The following ZNF544 variants were observed in gnomAD, a reference collection of about 807,000 sequenced individuals.
ZNF544 encodes the protein zinc finger protein AF020591.
Under a neutral mutation model 13.5 loss-of-function variants are expected in ZNF544, and 10 were observed. The observed-to-expected ratio is 0.74, with a 90% CI of 0.46 to 1.25. The LOEUF is 1.25. Ranked by LOEUF, ZNF544 falls within the 50% of genes most tolerant of loss-of-function variation. The pLI, the probability that ZNF544 is intolerant of heterozygous loss-of-function variation, is 0.00. For missense variants in ZNF544, 896 were observed against 845.6 expected (o/e 1.06, Z -0.74); for synonymous variants, 323 against 300.5 (o/e 1.07, Z -0.77).
chr19:58,236,843 A>T (rs1011135779), intron 3 of ZNF544, among the ~76,000 whole-genome samples: 18 of 150,918 alleles, frequency 1.2e-4, no homozygotes, highest in African/African-American at 4.1e-4. Context: ...CCGGGTTCAA[A>T]CAATTCTCGT....
chr19:58,265,463 T>C (rs1186431587), downstream of ZNF544, among the ~76,000 whole-genome samples: 1 of 152,064 alleles, frequency 6.6e-6, no homozygotes, highest in East Asian at 1.9e-4. Flanking sequence ...GTCTGTCTAA[T>C]TTTTTGTACT....
At chr19:58,256,567 GGTACCAC>G (rs1452012820) in intron 6 of ZNF544, among the ~76,000 whole-genome samples, 1 of 152,144 alleles carries the variant, frequency 6.6e-6, no homozygotes, top group Non-Finnish European at 1.5e-5. Context: ...GAAGAGCAAC[GGTACCAC>G]GTGCAAGGTT....
intron 4 of ZNF544, 98 bp downstream of exon 4, chr19:58,244,154 C>T: frequency 9.7e-7 from 1 of 1,030,198 alleles, no homozygotes; most frequent in Non-Finnish European, 1.4e-6. Flanking sequence ...CACAGGAGCG[C>T]TCCGCAGTGC....
downstream of ZNF544, among the ~76,000 whole-genome samples, chr19:58,266,242 T>G (rs2445854): frequency 0.56 from 75,912 of 136,618 alleles, 21,558 homozygotes; most frequent in Middle Eastern, 0.67. Context: ...AAAAGGGCTG[T>G]GTGCGGTGGC....
intron 5 of ZNF544, among the ~76,000 whole-genome samples, chr19:58,275,167 T>A (rs113376910): frequency 1.3e-5 from 2 of 152,234 alleles, no homozygotes; most frequent in African/African-American, 4.8e-5. Flanking sequence ...CAAACAATGT[T>A]GGGTGTGACT....
downstream of ZNF544, among the ~76,000 whole-genome samples, chr19:58,268,645 A>G (rs112825285): frequency 4.1e-3 from 632 of 152,358 alleles, 6 homozygotes; most frequent in African/African-American, 0.014. Context: ...CAGCCTGCAC[A>G]ATCTAAACTA....
chr19:58,231,907 C>T (rs560727861), intron 3 of ZNF544: 4 of 152,198 alleles, frequency 2.6e-5, no homozygotes, highest in Admixed American at 1.3e-4. Flanking sequence ...GTGGCATGAC[C>T]TCGGCTCACT....
intron 3 of ZNF544, among the ~76,000 whole-genome samples, chr19:58,236,071 C>CA (rs2042316484): frequency 7.2e-6 from 1 of 139,436 alleles, no homozygotes; most frequent in South Asian, 2.4e-4. Flanking sequence ...AAAAAAAAAA[C>CA]AAAAAAACAA....
At chr19:58,248,349 C>T (rs1305451596) in intron 6 of ZNF544, among the ~76,000 whole-genome samples, 4 of 145,534 alleles carry the variant, frequency 2.7e-5, no homozygotes, top group African/African-American at 1.0e-4. Context: ...CCTCCCACCT[C>T]TCTGCACCCC....
chr19:58,229,964 G>A (rs1361340708), intron 2 of ZNF544: 2 of 152,528 alleles, frequency 1.3e-5, no homozygotes, highest in Non-Finnish European at 2.9e-5. Flanking sequence ...GTGGAGCCAG[G>A]GTAGAAGTCA....
At chr19:58,250,303 T>A (rs964509653) in intron 6 of ZNF544, among the ~76,000 whole-genome samples, 1 of 152,138 alleles carries the variant, frequency 6.6e-6, no homozygotes, top group Non-Finnish European at 1.5e-5. Context: ...CCATTGGAGG[T>A]AATTAGGCTT....
intron 5 of ZNF544, among the ~76,000 whole-genome samples, chr19:58,269,808 C>G (rs1291835842): frequency 6.6e-6 from 1 of 152,048 alleles, no homozygotes; most frequent in Non-Finnish European, 1.5e-5. Context: ...GCAATCCCAG[C>G]TACTCAGGAG....
chr19:58,250,939 A>G (rs938881573), intron 6 of ZNF544, among the ~76,000 whole-genome samples: 1 of 152,218 alleles, frequency 6.6e-6, no homozygotes, highest in African/African-American at 2.4e-5. Flanking sequence ...CCCAGAATCC[A>G]TTAACTGCTG....
At chr19:58,269,467 C>T (rs902057789) in intron 5 of ZNF544, among the ~76,000 whole-genome samples, 3 of 144,986 alleles carry the variant, frequency 2.1e-5, no homozygotes, top group Non-Finnish European at 4.5e-5. Flanking sequence ...ATGTCAGGGT[C>T]GGGCATGGTG....
Position 58,261,421 on chromosome 19 carries a change from G to T in ZNF544, c.815G>T (p.Cys272Phe). The T allele has an allele frequency of 6.2e-7, 1 of 1,614,212 alleles. No homozygotes were observed. The highest frequency in any genetic ancestry group is 1.1e-5 in the South Asian group (1 of 91,086). ...RTFSVKKSDD[C>F]KDYGNLFSHS... The stretch of plus-strand genomic sequence containing the variant: ...TTTTCAGTGAAGAAAAGTGATGACT[G>T]TAAGGATTATGGAAACCTCTTCAGT... Residue 272 changes from cysteine to phenylalanine, a missense_variant, in exon 7 of 7, where the codon TGT becomes TTT. By Grantham distance (205) the Cys-to-Phe change is radical. Coordinates refer to ENST00000687789, the MANE Select transcript of ZNF544 (RefSeq NM_014480.4).
chr19:58,239,955 A>G (rs2043213664), intron 3 of ZNF544, among the ~76,000 whole-genome samples: 1 of 151,736 alleles, frequency 6.6e-6, no homozygotes, highest in African/African-American at 2.4e-5. Context: ...GGAGTCCGGG[A>G]GAGACCAGGA....
rs534997430 is a variant in ZNF544, at chr19:58,243,566, G to A, written c.-59-399G>A. ...CCCAGAGCCGAGGGAAGTTCCCTGC[G>A]CCGCCCTGCTGGGGAGTGTCACATC... On this transcript the variant is annotated intron_variant, in intron 3 of 6. Coordinates refer to ENST00000687789, the MANE Select transcript of ZNF544 (RefSeq NM_014480.4). 1.1e-4 allele frequency among the ~76,000 whole-genome samples: 16 copies of A among 152,064 alleles called. No individual in the cohort carries two copies. In the South Asian group the frequency reaches 1.5e-3, roughly 14 times the overall value.
At chr19:58,259,863 A>C (rs2147626401) in intron 6 of ZNF544, 1 of 152,320 alleles carries the variant, frequency 6.6e-6, no homozygotes, top group East Asian at 1.9e-4. Flanking sequence ...CAGTTAGCCA[A>C]GATAATGCCA....
chr19:58,261,508 A>G lies in ZNF544; in HGVS notation c.902A>G (p.Asp301Gly). Residue 301 changes from aspartate to glycine, a missense_variant, in exon 7 of 7, where the codon GAT (aspartate) becomes GGT (glycine). Physicochemically the swap from Asp to Gly is moderately conservative, Grantham distance 94. Coordinates refer to ENST00000687789, the MANE Select transcript of ZNF544 (RefSeq NM_014480.4). ...TTTGGGAAAAGTCAGTATGAGTGTG[A>G]TGAGTGCAGGGAAACCTGTTCTGAG... ...VHFGKSQYEC[D>G]ECRETCSESL... 6.2e-7 allele frequency: 1 copy of G among 1,614,176 alleles called. No individual in the cohort carries two copies. The highest frequency in any genetic ancestry group is 8.5e-7 in the Non-Finnish European group (1 of 1,180,038).
Sources: gnomAD v4.1 joint callset for allele counts (sites outside exome capture counted in the v4.1 genomes callset) on GRCh38, gnomAD v4.1.1 for gene constraint, MANE v1.5 for transcripts, NCBI Gene and HGNC (gene_info 2026-07-23, HGNC 2026-07-21) for gene names.